NXPH1: variants seen among roughly 807,000 people sequenced by gnomAD.
The protein encoded by NXPH1 is neurexophilin-1.
Under a neutral mutation model 23.7 loss-of-function variants are expected in NXPH1, and 5 were observed. The observed-to-expected ratio is 0.21, with a 90% CI of 0.11 to 0.44. NXPH1 has a LOEUF of 0.44. Among genes scored for constraint, NXPH1 ranks in the 20% least tolerant of loss-of-function variants. The probability of loss-of-function intolerance (pLI) is 0.99; values close to 1 mark genes in which losing one functional copy is unlikely to be tolerated. For missense variants in NXPH1, 324 were observed against 321.6 expected (o/e 1.01, Z -0.06); for synonymous variants, 144 against 122.2 (o/e 1.18, Z -1.18).
At chr7:8,488,987 G>T (rs1008382561) in intron 2 of NXPH1, among the ~76,000 whole-genome samples, 1 of 152,124 alleles carries the variant, frequency 6.6e-6, no homozygotes, top group Admixed American at 6.6e-5. Flanking sequence ...ACTAATTGTG[G>T]TTGAAGAGTC....
intron 2 of NXPH1, among the ~76,000 whole-genome samples, chr7:8,475,911 A>G (rs1436159162): frequency 6.6e-6 from 1 of 152,118 alleles, no homozygotes; most frequent in Non-Finnish European, 1.5e-5. Flanking sequence ...AATTCCAGAT[A>G]ATACCCATGT....
chr7:8,598,851 C>T (rs150355881), intron 2 of NXPH1, among the ~76,000 whole-genome samples: 1 of 152,090 alleles, frequency 6.6e-6, no homozygotes, highest in South Asian at 2.1e-4. Context: ...CTGAAGCCAG[C>T]CTAATTGCTT....
intron 2 of NXPH1, among the ~76,000 whole-genome samples, chr7:8,651,823 T>G (rs184874589): frequency 8.9e-4 from 136 of 152,278 alleles, no homozygotes; most frequent in African/African-American, 3.2e-3. Context: ...TTCAATACAT[T>G]TTTGAAAATG....
rs73675704 is a variant in NXPH1 at position 8,467,337 on chromosome 7, C to A, written c.54+31570C>A. ...ACAGAAACATCAGGTGATGAAGCCTCTTCTGGAATTCTCCCTAAGGTCATA... is the reference window on the plus strand; with the variant it reads ...ACAGAAACATCAGGTGATGAAGCCTATTCTGGAATTCTCCCTAAGGTCATA... On this transcript the variant is annotated intron_variant, in intron 2 of 2. Transcript: ENST00000405863. 1.9e-3 allele frequency among the ~76,000 whole-genome samples: 285 copies of A among 152,276 alleles called. 1 individual carries two copies. The highest frequency in any genetic ancestry group is 6.8e-3 in the Middle Eastern group (2 of 294).
chr7:8,636,410 T>C (rs1269228146), intron 2 of NXPH1, among the ~76,000 whole-genome samples: 1 of 152,232 alleles, frequency 6.6e-6, no homozygotes, highest in East Asian at 1.9e-4. Context: ...GTAATGCCTC[T>C]TGTATTTTCA....
chr7:8,643,983 T>G (rs1310645911), intron 2 of NXPH1, among the ~76,000 whole-genome samples: 1 of 152,188 alleles, frequency 6.6e-6, no homozygotes, highest in African/African-American at 2.4e-5. Context: ...TAGAGGGCTT[T>G]CTTTGGGGTT....
In NXPH1 at chr7:8,676,964, C is replaced by T. The variant is rs185697608; in HGVS notation, c.55-74044C>T. ...AAATGCTAACCCTGCTACAAATTTA[C>T]ACTGTTCAGCAAATACTGGGTCTCT... On this transcript the variant is annotated intron_variant, in intron 2 of 2. Coordinates refer to ENST00000405863, the MANE Select transcript of NXPH1 (RefSeq NM_152745.3). Among the ~76,000 whole-genome samples, 42 of 152,314 alleles carry T rather than the reference C, an allele frequency of 2.8e-4. 1 individual carries two copies. The East Asian group carries it at 7.5e-3, about 27-fold the overall frequency.
intron 2 of NXPH1, among the ~76,000 whole-genome samples, chr7:8,718,810 G>C (rs1024432753): frequency 2.6e-5 from 4 of 152,126 alleles, no homozygotes; most frequent in African/African-American, 9.7e-5. Flanking sequence ...GGCACATTCA[G>C]TCCTTTTATA....
chr7:8,549,847 C>T (rs1393801928), intron 2 of NXPH1, among the ~76,000 whole-genome samples: 1 of 151,536 alleles, frequency 6.6e-6, no homozygotes, highest in Non-Finnish European at 1.5e-5. Flanking sequence ...GATTCACACC[C>T]TGGAAGCCCA....
chr7:8,580,365 G>A (rs1818841992), intron 2 of NXPH1, among the ~76,000 whole-genome samples: 1 of 152,098 alleles, frequency 6.6e-6, no homozygotes, highest in South Asian at 2.1e-4. Flanking sequence ...GAGACAGGAT[G>A]TTACTAACAT....
At chr7:8,556,637 C>T (rs1405596363) in intron 2 of NXPH1, among the ~76,000 whole-genome samples, 3 of 151,700 alleles carry the variant, frequency 2.0e-5, no homozygotes, top group African/African-American at 7.3e-5. Flanking sequence ...CAAACCCTAC[C>T]TCTTTTTGGG....
intron 2 of NXPH1, among the ~76,000 whole-genome samples, chr7:8,706,293 T>C (rs1206200174): frequency 6.6e-6 from 1 of 152,202 alleles, no homozygotes; most frequent in Non-Finnish European, 1.5e-5. Flanking sequence ...CAACAATTTA[T>C]CATGTGTGGA....
intron 2 of NXPH1, among the ~76,000 whole-genome samples, chr7:8,654,896 G>A (rs544107550): frequency 6.6e-6 from 1 of 152,320 alleles, no homozygotes; most frequent in African/African-American, 2.4e-5. Flanking sequence ...TGGGGGTAAA[G>A]AGAGATAGGT....
intron 2 of NXPH1, among the ~76,000 whole-genome samples, chr7:8,711,494 G>A (rs943606404): frequency 4.6e-5 from 7 of 152,256 alleles, no homozygotes; most frequent in Middle Eastern, 6.8e-3. Context: ...GGCCATAGCC[G>A]GAAAACACAG....
At chr7:8,658,479 C>A (rs150071935) in intron 2 of NXPH1, among the ~76,000 whole-genome samples, 1 of 152,194 alleles carries the variant, frequency 6.6e-6, no homozygotes, top group African/African-American at 2.4e-5. Flanking sequence ...TACCAGGCTC[C>A]AAGGAAACTT....
chr7:8,640,479 C>A (rs1820288654), intron 2 of NXPH1, among the ~76,000 whole-genome samples: 1 of 151,506 alleles, frequency 6.6e-6, no homozygotes, highest in African/African-American at 2.4e-5. Context: ...TTTCTTTGAT[C>A]TAGTCATACA....
intron 2 of NXPH1, among the ~76,000 whole-genome samples, chr7:8,521,762 G>A (rs1007429291): frequency 1.3e-5 from 2 of 152,180 alleles, no homozygotes; most frequent in Non-Finnish European, 2.9e-5. Flanking sequence ...GACAATGGCA[G>A]TGTAACTGTC....
At chr7:8,533,150 G>A (rs1256406874) in intron 2 of NXPH1, among the ~76,000 whole-genome samples, 5 of 152,112 alleles carry the variant, frequency 3.3e-5, no homozygotes, top group Non-Finnish European at 7.4e-5. Context: ...GAGCAAAGAC[G>A]AGAATCCAAG....
At chr7:8,723,846 A>T (rs994892752) in intron 2 of NXPH1, among the ~76,000 whole-genome samples, 2 of 152,174 alleles carry the variant, frequency 1.3e-5, no homozygotes, top group Non-Finnish European at 2.9e-5. Context: ...CAGGTTCTAA[A>T]GTTGGAATAA....
Sources: allele counts gnomAD v4.1 joint callset (sites outside exome capture counted in the v4.1 genomes callset), GRCh38; gene constraint gnomAD v4.1.1; transcripts MANE v1.5; gene names NCBI Gene and HGNC (gene_info 2026-07-23, HGNC 2026-07-21).